The following RGMA variants were observed in gnomAD, a reference collection of about 807,000 sequenced individuals.
The protein encoded by RGMA is repulsive guidance molecule A.
Under a neutral mutation model 23.2 loss-of-function variants are expected in RGMA, and 10 were observed. That is an observed-to-expected ratio of 0.43 (90% CI 0.27 to 0.73). RGMA has a LOEUF of 0.73. Among genes scored for constraint, RGMA ranks in the 30% least tolerant of loss-of-function variants. RGMA has a pLI of 0.20. For synonymous variants in RGMA, 308 were observed against 279.3 expected (o/e 1.10, Z -1.03); for missense variants, 547 against 630.5 (o/e 0.87, Z 1.42).
chr15:93,054,112 C>T (rs2054973139), intron 2 of RGMA, among the ~76,000 whole-genome samples: 1 of 151,756 alleles, frequency 6.6e-6, no homozygotes, highest in South Asian at 2.1e-4. Flanking sequence ...CACCTGTAAT[C>T]CCAGCTACTC....
chr15:93,050,879 CCTGGCGTCCGT>C (rs1181125233), intron 3 of RGMA, among the ~76,000 whole-genome samples: 1 of 152,166 alleles, frequency 6.6e-6, no homozygotes, highest in Non-Finnish European at 1.5e-5. Flanking sequence ...GCCTCAGGCT[CCTGGCGTCCGT>C]CTGTCTTGGC....
chr15:93,050,710 AC>A (rs2054903291), intron 3 of RGMA, among the ~76,000 whole-genome samples: 2 of 151,776 alleles, frequency 1.3e-5, no homozygotes, highest in Admixed American at 1.3e-4. Context: ...TGGTGCTTCC[AC>A]CCCCTGGGGT....
intron 2 of RGMA, among the ~76,000 whole-genome samples, chr15:93,072,600 G>A (rs184219426): frequency 3.3e-5 from 5 of 152,098 alleles, no homozygotes; most frequent in Admixed American, 2.0e-4. Context: ...CCCTCTTCCC[G>A]AGCCCCTAGG....
chr15:93,062,474 A>G (rs1223245481), intron 2 of RGMA, among the ~76,000 whole-genome samples: 2 of 152,174 alleles, frequency 1.3e-5, no homozygotes, highest in Non-Finnish European at 2.9e-5. Context: ...AGAACAACTG[A>G]GCTTGGCAGG....
At position 93,045,346 on chromosome 15, in the gene RGMA, C is replaced by T. The variant is rs751879685; in HGVS notation, c.1005G>A (p.Glu335=). Residue 335 remains glutamate (E), a synonymous_variant, in exon 4 of 4, where the codon GAG becomes GAA. Coordinates refer to ENST00000329082, the MANE Select transcript of RGMA (RefSeq NM_020211.3). This position sits in a 1 kb window ranked among gnomAD's most constrained non-coding sequence, Gnocchi z 6.9. ...IDFQAFHTNA[E]GTGARRLAAA... is the part of the protein sequence containing the mutation. ...CTGCCAGCCTGCGGGCACCGGTGCC[C>T]TCAGCATTGGTGTGGAAGGCCTGGA... 10 of 1,612,016 alleles carry T rather than the reference C, an allele frequency of 6.2e-6. No individual in the cohort carries two copies. In the East Asian group the frequency reaches 6.7e-5, roughly 11 times the overall value.
chr15:93,066,773 A>G (rs1237278492), intron 2 of RGMA, among the ~76,000 whole-genome samples: 1 of 152,164 alleles, frequency 6.6e-6, no homozygotes, highest in East Asian at 1.9e-4. Flanking sequence ...TCGGCCTCCC[A>G]AAGTGCTGGG....
Position 93,045,205 on chromosome 15 carries a change from G to T in RGMA, c.1146C>A (p.Leu382=), listed in dbSNP as rs372242523. 475 of 1,611,406 alleles carry T rather than the reference G, an allele frequency of 2.9e-4. No individual in the cohort carries two copies. Among genetic ancestry groups the T allele is most frequent in the Non-Finnish European group, 3.5e-4 (411 of 1,178,990 alleles). ...DLYYQACVFD[L]LTTGDVNFTL... ...TGAAGTTCACGTCGCCCGTGGTGAG[G>T]AGGTCGAAGACGCAGGCCTGGTAGT... Residue 382 remains leucine (L), a synonymous_variant, in exon 4 of 4, where the codon CTC becomes CTA. Transcript: ENST00000329082. This position sits in a 1 kb window ranked among gnomAD's most constrained non-coding sequence, Gnocchi z 6.9.
rs1416300724 is a variant in RGMA, at chr15:93,042,670, G to A, written c.*2328C>T. The A allele has an allele frequency of 6.6e-6, 1 of 152,278 alleles. No individual in the cohort carries two copies. Among genetic ancestry groups the A allele is most frequent in the Non-Finnish European group, 1.5e-5 (1 of 68,082 alleles). The allele number at this position is 152,278 out of a possible 1,614,324, so 9.4% of individuals were successfully genotyped here. On this transcript the variant is annotated 3_prime_UTR_variant, in exon 4 of 4. Transcript: ENST00000329082. ...CCTTCCCGTTGCTAAGGAGCCCTAG[G>A]CAAGTCAGTTAATCTCAGAGTCTGT...
At chr15:93,071,060 G>T (rs1005075068) in intron 2 of RGMA, among the ~76,000 whole-genome samples, 3 of 152,138 alleles carry the variant, frequency 2.0e-5, no homozygotes, top group African/African-American at 7.2e-5. Context: ...CTTTAAGAGC[G>T]GGAAGGTGTT....
intron 3 of RGMA, among the ~76,000 whole-genome samples, chr15:93,050,594 C>A (rs1305881723): frequency 6.6e-6 from 1 of 152,204 alleles, no homozygotes; most frequent in Non-Finnish European, 1.5e-5. Context: ...CTCCACTGCT[C>A]CACCCCGTCA....
intron 2 of RGMA, among the ~76,000 whole-genome samples, chr15:93,071,821 C>T (rs190124149): frequency 1.3e-5 from 2 of 152,324 alleles, no homozygotes; most frequent in African/African-American, 4.8e-5. Context: ...GCGGGGGCTG[C>T]GGCTCTACGC....
At chr15:93,064,580 T>C (rs1344648359) in intron 2 of RGMA, among the ~76,000 whole-genome samples, 1 of 152,238 alleles carries the variant, frequency 6.6e-6, no homozygotes, top group East Asian at 1.9e-4. Flanking sequence ...CACGCGTGTG[T>C]GGGTCTGTGT....
intron 3 of RGMA, among the ~76,000 whole-genome samples, chr15:93,046,071 G>C (rs2054820309): frequency 6.6e-6 from 1 of 152,158 alleles, no homozygotes; most frequent in Admixed American, 6.5e-5. Flanking sequence ...CTCCCAAGAA[G>C]AACATGCCCT....
intron 2 of RGMA, among the ~76,000 whole-genome samples, chr15:93,055,867 A>T (rs558052232): frequency 1.3e-5 from 2 of 152,310 alleles, no homozygotes; most frequent in South Asian, 4.1e-4. Context: ...TGGCTTCGTG[A>T]TCGGGATCTG....
intron 2 of RGMA, among the ~76,000 whole-genome samples, chr15:93,057,779 C>T (rs763458812): frequency 4.1e-4 from 63 of 152,274 alleles, no homozygotes; most frequent in African/African-American, 1.3e-3. Flanking sequence ...TCCCATTTCC[C>T]GACAAGGACG....
chr15:93,081,559 T>C (rs1222079265), intron 1 of RGMA, among the ~76,000 whole-genome samples: 1 of 152,210 alleles, frequency 6.6e-6, no homozygotes, highest in Non-Finnish European at 1.5e-5. Flanking sequence ...CACACAGCGC[T>C]TATGTCTCCC....
At chr15:93,059,115 T>C (rs2055061538) in intron 2 of RGMA, among the ~76,000 whole-genome samples, 1 of 152,034 alleles carries the variant, frequency 6.6e-6, no homozygotes, top group African/African-American at 2.4e-5. Flanking sequence ...GTGGAAGGGC[T>C]GGGGCTGAGA....
chr15:93,079,934 A>G (rs1032219034), intron 1 of RGMA, among the ~76,000 whole-genome samples: 2 of 152,206 alleles, frequency 1.3e-5, no homozygotes, highest in Non-Finnish European at 2.9e-5. Flanking sequence ...TTTGGCTACG[A>G]GGATGTTGCT....
chr15:93,067,888 G>A (rs1267136371), intron 2 of RGMA, among the ~76,000 whole-genome samples: 17 of 152,128 alleles, frequency 1.1e-4, no homozygotes. Context: ...CAGGTCCTAA[G>A]CCTGTCTGCT....
Sources: gnomAD v4.1 joint callset for allele counts (sites outside exome capture counted in the v4.1 genomes callset) on GRCh38, gnomAD v4.1.1 for gene constraint, Gnocchi (gnomAD v3.1) non-coding constraint, MANE v1.5 for transcripts, NCBI Gene and HGNC (gene_info 2026-07-23, HGNC 2026-07-21) for gene names.